The following AGBL4 variants were observed in gnomAD, a reference collection of about 807,000 sequenced individuals.
The protein encoded by AGBL4 is AGBL carboxypeptidase 4.
A neutral mutation model predicts 66.4 loss-of-function variants in AGBL4; 58 were observed. The ratio of observed to expected loss-of-function variants is 0.87; its 90% CI spans 0.71 to 1.09. The LOEUF (loss-of-function observed/expected upper bound fraction) is 1.09, where lower values mean the gene tolerates loss of function less well. Ranked by LOEUF, AGBL4 falls within the 50% of genes least tolerant of loss-of-function variation. The pLI, the probability that AGBL4 is intolerant of heterozygous loss-of-function variation, is 0.00. For missense variants in AGBL4, 579 were observed against 631.0 expected (o/e 0.92, Z 0.88); for synonymous variants, 234 against 222.9 (o/e 1.05, Z -0.44).
intron 1 of AGBL4, among the ~76,000 whole-genome samples, chr1:49,863,547 A>C (rs1646626486): frequency 6.6e-6 from 1 of 152,256 alleles, no homozygotes; most frequent in Non-Finnish European, 1.5e-5. Flanking sequence ...ACAAATAATT[A>C]ATAACAAGAA....
chr1:49,960,070 T>C (rs946787028), intron 1 of AGBL4, among the ~76,000 whole-genome samples: 1 of 151,916 alleles, frequency 6.6e-6, no homozygotes, highest in Non-Finnish European at 1.5e-5. Flanking sequence ...GAGGGTACTA[T>C]GCTTATTACC....
intron 2 of AGBL4, among the ~76,000 whole-genome samples, chr1:49,707,367 C>CTTTTTTTTTTTTTT (rs34368394): frequency 9.2e-5 from 7 of 76,218 alleles, no homozygotes; most frequent in South Asian, 1.0e-3. Flanking sequence ...GCAACCCCTG[C>CTTTTTTTTTTTTTT]TTTTTTTTTT....
At chr1:49,545,713 C>T (rs921855727) in intron 3 of AGBL4, among the ~76,000 whole-genome samples, 1 of 152,104 alleles carries the variant, frequency 6.6e-6, no homozygotes, top group African/African-American at 2.4e-5. Flanking sequence ...TCTTGGCACA[C>T]AATAAACATT....
chr1:48,687,401 C>A (rs550153102), intron 6 of AGBL4, among the ~76,000 whole-genome samples: 52 of 152,166 alleles, frequency 3.4e-4, no homozygotes, highest in Non-Finnish European at 6.5e-4. Flanking sequence ...CGCGGGTGGG[C>A]GGGTGCTCTT....
intron 5 of AGBL4, among the ~76,000 whole-genome samples, chr1:48,891,142 A>T (rs1650918413): frequency 6.6e-6 from 1 of 152,212 alleles, no homozygotes; most frequent in South Asian, 2.1e-4. Context: ...ATTCATACCC[A>T]TTACAGTAGC....
chr1:49,559,784 G>C (rs895093660), intron 3 of AGBL4, among the ~76,000 whole-genome samples: 2 of 152,066 alleles, frequency 1.3e-5, no homozygotes, highest in Non-Finnish European at 2.9e-5. Flanking sequence ...CCCTGTTTTT[G>C]AGGTTTTGGG....
chr1:49,143,011 T>C (rs1646148366), intron 4 of AGBL4, among the ~76,000 whole-genome samples: 1 of 152,154 alleles, frequency 6.6e-6, no homozygotes, highest in South Asian at 2.1e-4. Context: ...CAAGGATTAA[T>C]TCCACTTCAT....
At chr1:49,016,084 C>T (rs1044206945) in intron 5 of AGBL4, among the ~76,000 whole-genome samples, 2 of 152,126 alleles carry the variant, frequency 1.3e-5, no homozygotes, top group Admixed American at 6.5e-5. Context: ...CAGGTAAGGG[C>T]CCAGCTTGTG....
At position 49,937,088 on chromosome 1, in the gene AGBL4, G is replaced by C. The variant is rs1055072999; in HGVS notation, c.35-85570C>G. Among the ~76,000 whole-genome samples, 23 of 152,206 alleles carry C rather than the reference G, an allele frequency of 1.5e-4. 1 individual carries two copies. Among genetic ancestry groups the C allele is most frequent in the African/African-American group, 5.3e-4 (22 of 41,524 alleles). On this transcript the variant is annotated intron_variant, in intron 1 of 13. Transcript: ENST00000371839. ...AGACCCATCAGTGTGCTGTATTCAG[G>C]AAACCCATCTCATGTGCAGAGACAC...
intron 2 of AGBL4, among the ~76,000 whole-genome samples, chr1:49,804,846 A>G (rs1438443707): frequency 6.6e-6 from 1 of 152,198 alleles, no homozygotes; most frequent in Non-Finnish European, 1.5e-5. Context: ...CAATCTTTAC[A>G]TTAGAGTATC....
intron 4 of AGBL4, among the ~76,000 whole-genome samples, chr1:49,164,603 G>T (rs1163573377): frequency 6.6e-6 from 1 of 152,110 alleles, no homozygotes. Flanking sequence ...TCTTAAGACG[G>T]CTTTACTCTG....
At chr1:49,919,727 G>A (rs1296464519) in intron 1 of AGBL4, among the ~76,000 whole-genome samples, 1 of 151,798 alleles carries the variant, frequency 6.6e-6, no homozygotes, top group South Asian at 2.1e-4. Context: ...TCACAGAATT[G>A]GAAAAAACTA....
intron 1 of AGBL4, among the ~76,000 whole-genome samples, chr1:50,016,379 T>A (rs1329215461): frequency 6.6e-6 from 1 of 152,100 alleles, no homozygotes; most frequent in East Asian, 1.9e-4. Flanking sequence ...CTGGCCAACA[T>A]GGCAAAACCC....
At chr1:48,726,240 A>G (rs1557907281) in intron 6 of AGBL4, among the ~76,000 whole-genome samples, 2 of 152,176 alleles carry the variant, frequency 1.3e-5, no homozygotes, top group Non-Finnish European at 2.9e-5. Flanking sequence ...AGCACTTGTA[A>G]AGCAGGTACC....
intron 4 of AGBL4, among the ~76,000 whole-genome samples, chr1:49,148,917 A>G (rs1646273216): frequency 6.6e-6 from 1 of 152,184 alleles, no homozygotes; most frequent in Admixed American, 6.5e-5. Flanking sequence ...CCTTCATGGA[A>G]TCATACAAGA....
chr1:49,771,982 A>G (rs572302642), intron 2 of AGBL4, among the ~76,000 whole-genome samples: 2 of 152,028 alleles, frequency 1.3e-5, no homozygotes, highest in Non-Finnish European at 1.5e-5. Context: ...CAAGGTTATC[A>G]TTGATAGGTA....
At chr1:48,619,392 G>A (rs1043086778) in intron 9 of AGBL4, among the ~76,000 whole-genome samples, 5 of 152,264 alleles carry the variant, frequency 3.3e-5, no homozygotes, top group Middle Eastern at 6.8e-3. Flanking sequence ...GGACATTCAC[G>A]CCGAGCCTTA....
In AGBL4 at chr1:49,370,252, A is replaced by G. The variant is rs1644316017; in HGVS notation, c.283-124388T>C. 2.0e-5 allele frequency among the ~76,000 whole-genome samples: 3 copies of G among 151,454 alleles called. No homozygotes were observed. In the South Asian group the frequency reaches 6.2e-4, roughly 31 times the overall value. Reference sequence around the variant, plus strand: ...GCAGAGAGAGAGTGAGATTGATTTTAAGGAACTGGCTCACGTTATAGTGGA... The same window carrying G: ...GCAGAGAGAGAGTGAGATTGATTTTGAGGAACTGGCTCACGTTATAGTGGA... On this transcript the variant is annotated intron_variant, in intron 3 of 13. Transcript: ENST00000371839.
intron 2 of AGBL4, among the ~76,000 whole-genome samples, chr1:49,789,717 G>A (rs1457928935): frequency 1.3e-5 from 2 of 152,276 alleles, no homozygotes; most frequent in African/African-American, 4.8e-5. Context: ...CACGCTCATG[G>A]ATAGGAACAA....
Sources: allele counts gnomAD v4.1 joint callset (sites outside exome capture counted in the v4.1 genomes callset), GRCh38; gene constraint gnomAD v4.1.1; transcripts MANE v1.5; gene names NCBI Gene and HGNC (gene_info 2026-07-23, HGNC 2026-07-21).